Variants in FGF14 observed in about 807,000 individuals in gnomAD.
The protein encoded by FGF14 is fibroblast growth factor 14, also known as fibroblast growth factor homologous factor 4.
A neutral mutation model predicts 25.5 loss-of-function variants in FGF14; 5 were observed. The ratio of observed to expected loss-of-function variants is 0.20; its 90% CI spans 0.10 to 0.41. The LOEUF (loss-of-function observed/expected upper bound fraction) is 0.41, where lower values mean the gene tolerates loss of function less well. FGF14 is among the 10% of genes least tolerant of loss of function. The pLI is 1.00. For missense variants in FGF14, 222 were observed against 320.1 expected (o/e 0.69, Z 2.34); for synonymous variants, 138 against 118.3 (o/e 1.17, Z -1.08).
At chr13:102,060,512 C>T (rs1391747100) in intron 1 of FGF14, among the ~76,000 whole-genome samples, 2 of 152,146 alleles carry the variant, frequency 1.3e-5, no homozygotes, top group South Asian at 2.1e-4. Context: ...GGCAATAGAG[C>T]GAGACTCTGT....
intron 1 of FGF14, among the ~76,000 whole-genome samples, chr13:102,022,990 A>G (rs977433908): frequency 4.2e-4 from 63 of 151,676 alleles, no homozygotes; most frequent in Non-Finnish European, 8.4e-4. Flanking sequence ...CCTCTACTCT[A>G]AAGAATTTAC....
chr13:101,921,272 A>G (rs1358004387), upstream of FGF14, among the ~76,000 whole-genome samples: 1 of 152,176 alleles, frequency 6.6e-6, no homozygotes, highest in East Asian at 1.9e-4. Flanking sequence ...TAAAAACTTC[A>G]TCATTCCTCT....
intron 1 of FGF14, among the ~76,000 whole-genome samples, chr13:102,205,513 A>C (rs1158302515): frequency 6.6e-6 from 1 of 152,084 alleles, no homozygotes; most frequent in East Asian, 1.9e-4. Flanking sequence ...GCTATGGGAG[A>C]TGCAAAGTAT....
intron 1 of FGF14, among the ~76,000 whole-genome samples, chr13:102,248,251 T>G (rs2051985471): frequency 6.6e-6 from 1 of 152,146 alleles, no homozygotes; most frequent in Non-Finnish European, 1.5e-5. Flanking sequence ...AATAAAAGTT[T>G]TTTTAAAAGT....
At chr13:102,209,682 T>C (rs952137194) in intron 1 of FGF14, among the ~76,000 whole-genome samples, 9 of 152,270 alleles carry the variant, frequency 5.9e-5, no homozygotes, top group Middle Eastern at 3.4e-3. Context: ...AAGAGTACCA[T>C]AGTATCCCTA....
chr13:102,275,234 T>TCTCTCTC (rs2053454109), intron 1 of FGF14, among the ~76,000 whole-genome samples: 4 of 67,446 alleles, frequency 5.9e-5, no homozygotes, highest in African/African-American at 1.3e-4. Flanking sequence ...TTAGGCAGAT[T>TCTCTCTC]TCTCTCTCTC....
At chr13:101,965,876 T>G (rs1231088602) in intron 1 of FGF14, among the ~76,000 whole-genome samples, 1 of 152,174 alleles carries the variant, frequency 6.6e-6, no homozygotes, top group African/African-American at 2.4e-5. Flanking sequence ...CCAAACATTT[T>G]TCATGGGCAC....
intron 3 of FGF14, among the ~76,000 whole-genome samples, chr13:101,769,996 T>C (rs2038658852): frequency 6.6e-6 from 1 of 152,046 alleles, no homozygotes; most frequent in Non-Finnish European, 1.5e-5. Context: ...TCATCAATTG[T>C]CACAAATGCA....
intron 1 of FGF14, among the ~76,000 whole-genome samples, chr13:102,308,848 G>A (rs2055552233): frequency 6.6e-6 from 1 of 151,076 alleles, no homozygotes; most frequent in Non-Finnish European, 1.5e-5. Flanking sequence ...GGTGTTATTG[G>A]GGGCAGAAGA....
intron 1 of FGF14, among the ~76,000 whole-genome samples, chr13:102,258,206 C>T (rs777446527): frequency 6.6e-6 from 1 of 152,146 alleles, no homozygotes; most frequent in Non-Finnish European, 1.5e-5. Flanking sequence ...CACCAGGTCC[C>T]TCCCATAACA....
chr13:102,240,770 CATGTAAATTCCAGAAGGATTGAAG>C (rs2051558640), intron 1 of FGF14, among the ~76,000 whole-genome samples: 2 of 151,980 alleles, frequency 1.3e-5, no homozygotes, highest in African/African-American at 4.8e-5. Flanking sequence ...CACAGAATAA[CATGTAAATTCCAGAAGGATTGAAG>C]ATGCAAACTT....
chr13:101,787,171 A>C (rs1477229795), intron 3 of FGF14, among the ~76,000 whole-genome samples: 1 of 25,888 alleles, frequency 3.9e-5, no homozygotes, highest in African/African-American at 4.6e-5. Flanking sequence ...TCCATGTCAC[A>C]ATAATGTATC....
At chr13:102,305,730 A>C (rs2055337636) in intron 1 of FGF14, among the ~76,000 whole-genome samples, 1 of 152,160 alleles carries the variant, frequency 6.6e-6, no homozygotes. Context: ...ACAGAGAGTG[A>C]ACTCAGCCAA....
chr13:102,377,360 T>A (rs1053014244), intron 1 of FGF14, among the ~76,000 whole-genome samples: 18 of 152,202 alleles, frequency 1.2e-4, no homozygotes, highest in Admixed American at 7.2e-4. Flanking sequence ...AGATATTTAT[T>A]TTTAGGTGTA....
chr13:101,836,543 G>T (rs1216349106), intron 3 of FGF14, among the ~76,000 whole-genome samples: 3 of 152,082 alleles, frequency 2.0e-5, no homozygotes, highest in Non-Finnish European at 4.4e-5. Flanking sequence ...AGTAGAAGAA[G>T]AATAATAAGG....
intron 1 of FGF14, among the ~76,000 whole-genome samples, chr13:101,925,104 G>C (rs950816063): frequency 7.2e-5 from 11 of 152,038 alleles, no homozygotes; most frequent in Non-Finnish European, 1.2e-4. Context: ...ATGAGAATGA[G>C]AACACAACAT....
intron 1 of FGF14, chr13:102,292,613 G>C (rs549084998): frequency 1.3e-5 from 2 of 152,124 alleles, no homozygotes; most frequent in South Asian, 4.1e-4. Flanking sequence ...TTCCCAAGTC[G>C]AAAGTCAGCA....
At chr13:101,781,455 A>C (rs1015466254) in intron 3 of FGF14, among the ~76,000 whole-genome samples, 2 of 152,188 alleles carry the variant, frequency 1.3e-5, no homozygotes, top group African/African-American at 4.8e-5. Flanking sequence ...CATATATCGA[A>C]TAGTAGACTT....
chr13:102,377,247 C>T (rs1314958338), intron 1 of FGF14, among the ~76,000 whole-genome samples: 1 of 152,080 alleles, frequency 6.6e-6, no homozygotes, highest in East Asian at 1.9e-4. Context: ...AAAGCTAAGG[C>T]TTAAATACTT....
Sources: allele counts gnomAD v4.1 joint callset (sites outside exome capture counted in the v4.1 genomes callset), GRCh38; gene constraint gnomAD v4.1.1; transcripts MANE v1.5; gene names NCBI Gene and HGNC (gene_info 2026-07-23, HGNC 2026-07-21).